Variants in CTNNA3 observed in about 807,000 individuals in gnomAD.
CTNNA3 encodes catenin alpha 3.
CTNNA3 carries 76 observed loss-of-function variants against 95.7 expected under a neutral mutation model. The observed-to-expected ratio is 0.79, with a 90% CI of 0.66 to 0.96. The LOEUF (loss-of-function observed/expected upper bound fraction) is 0.96. Ranked by LOEUF, CTNNA3 falls within the 40% of genes least tolerant of loss-of-function variation. The probability of loss-of-function intolerance (pLI) is 0.00; values close to 1 mark genes in which losing one functional copy is unlikely to be tolerated. For synonymous variants in CTNNA3, 431 were observed against 374.4 expected (o/e 1.15, Z -1.74); for missense variants, 1,191 against 1,089.8 (o/e 1.09, Z -1.31).
chr10:66,510,417 A>G (rs1470425875), intron 11 of CTNNA3, among the ~76,000 whole-genome samples: 4 of 151,820 alleles, frequency 2.6e-5, no homozygotes, highest in Non-Finnish European at 2.9e-5. Flanking sequence ...ATGTGCTAGG[A>G]CTTCTAGTAC....
chr10:67,706,510 T>G (rs921995728), intron 1 of CTNNA3, among the ~76,000 whole-genome samples: 4 of 152,080 alleles, frequency 2.6e-5, no homozygotes, highest in Non-Finnish European at 5.9e-5. Flanking sequence ...GCCAACTACT[T>G]CCTCTCCTCT....
chr10:67,352,859 C>T (rs1057374607), intron 5 of CTNNA3, among the ~76,000 whole-genome samples: 3 of 151,948 alleles, frequency 2.0e-5, no homozygotes, highest in Non-Finnish European at 2.9e-5. Context: ...CCATTCTATC[C>T]GTCACAGAAA....
intron 3 of CTNNA3, among the ~76,000 whole-genome samples, chr10:67,583,791 C>T (rs180863794): frequency 1.4e-4 from 21 of 152,234 alleles, no homozygotes; most frequent in Admixed American, 8.5e-4. Context: ...CTTCTCTTCT[C>T]GCTTCGTTTA....
intron 14 of CTNNA3, among the ~76,000 whole-genome samples, chr10:66,095,713 C>G (rs529765704): frequency 7.9e-5 from 12 of 152,122 alleles, no homozygotes; most frequent in African/African-American, 2.9e-4. Context: ...TTTTTTTACA[C>G]TAAGAACCAT....
At chr10:67,259,663 TG>T (rs1401106717) in intron 5 of CTNNA3, among the ~76,000 whole-genome samples, 3 of 152,218 alleles carry the variant, frequency 2.0e-5, no homozygotes, top group African/African-American at 7.2e-5. Flanking sequence ...TGACTATTTT[TG>T]CGCCACTTTA....
At chr10:67,632,562 C>A (rs1351287630) in intron 2 of CTNNA3, among the ~76,000 whole-genome samples, 2 of 152,124 alleles carry the variant, frequency 1.3e-5, no homozygotes, top group Non-Finnish European at 2.9e-5. Flanking sequence ...GGGCGATGGT[C>A]CACCTGGGAG....
chr10:66,097,953 T>A (rs1272247107), intron 14 of CTNNA3: 1 of 152,128 alleles, frequency 6.6e-6, no homozygotes, highest in African/African-American at 2.4e-5. Context: ...CTTTGGATCC[T>A]CACCCTGCAG....
intron 7 of CTNNA3, among the ~76,000 whole-genome samples, chr10:66,798,346 C>T (rs1370479293): frequency 1.3e-5 from 2 of 151,422 alleles, no homozygotes; most frequent in Non-Finnish European, 3.0e-5. Context: ...GATTTATTAA[C>T]TATTAATAGG....
chr10:66,039,705 C>A (rs1174380089), intron 15 of CTNNA3, among the ~76,000 whole-genome samples: 3 of 152,106 alleles, frequency 2.0e-5, no homozygotes. Flanking sequence ...GGACACCTTC[C>A]TTACACCATA....
chr10:67,157,422 C>T (rs1000669113), intron 7 of CTNNA3, among the ~76,000 whole-genome samples: 2 of 152,120 alleles, frequency 1.3e-5, no homozygotes, highest in Admixed American at 6.6e-5. Context: ...GAGAAGGCAG[C>T]CCCTCCTGTA....
At chr10:66,498,496 A>C (rs1840171988) in intron 11 of CTNNA3, among the ~76,000 whole-genome samples, 1 of 152,150 alleles carries the variant, frequency 6.6e-6, no homozygotes, top group Non-Finnish European at 1.5e-5. Context: ...GCAATAATTT[A>C]GGTTCATGTC....
intron 14 of CTNNA3, chr10:66,098,584 T>TA (rs1198373628): frequency 1.3e-5 from 2 of 152,216 alleles, no homozygotes; most frequent in Non-Finnish European, 2.9e-5. Flanking sequence ...TTTTAGGACT[T>TA]ACAAACATCT....
At chr10:66,847,997 G>T (rs1008240774) in intron 7 of CTNNA3, among the ~76,000 whole-genome samples, 1 of 152,142 alleles carries the variant, frequency 6.6e-6, no homozygotes, top group African/African-American at 2.4e-5. Context: ...AACACAAGCT[G>T]AGATTAGGGG....
chr10:67,017,147 T>C (rs7900575), intron 7 of CTNNA3, among the ~76,000 whole-genome samples: 75,604 of 152,042 alleles, frequency 0.5, 19,929 homozygotes, highest in Middle Eastern at 0.72. Context: ...AATATATTCA[T>C]AGTATGAAAA....
intron 11 of CTNNA3, among the ~76,000 whole-genome samples, chr10:66,435,934 C>G (rs1284137074): frequency 6.6e-6 from 1 of 150,848 alleles, no homozygotes; most frequent in Non-Finnish European, 1.5e-5. Context: ...ATTTATTTAC[C>G]CAATAGTCAT....
At chr10:66,312,271 C>T (rs920805418) in intron 12 of CTNNA3, among the ~76,000 whole-genome samples, 4 of 152,026 alleles carry the variant, frequency 2.6e-5, no homozygotes, top group Admixed American at 2.0e-4. Context: ...GCAAAGTTTC[C>T]GAATCCTAAA....
chr10:67,191,663 G>A (rs2132176032), intron 6 of CTNNA3, among the ~76,000 whole-genome samples: 1 of 151,914 alleles, frequency 6.6e-6, no homozygotes, highest in East Asian at 1.9e-4. Context: ...ACTGTTAAAT[G>A]TCTATATTAC....
intron 7 of CTNNA3, among the ~76,000 whole-genome samples, chr10:66,863,644 T>C (rs1415939729): frequency 6.6e-6 from 1 of 152,168 alleles, no homozygotes; most frequent in East Asian, 1.9e-4. Context: ...TGGCTTGAGC[T>C]GATTTGCAGG....
chr10:66,818,331 G>T (rs1192241156), intron 7 of CTNNA3, among the ~76,000 whole-genome samples: 1 of 151,998 alleles, frequency 6.6e-6, no homozygotes, highest in Non-Finnish European at 1.5e-5. Context: ...GAAAATAACT[G>T]AAGTTATCTT....
Sources: gnomAD v4.1 joint callset for allele counts (sites outside exome capture counted in the v4.1 genomes callset) on GRCh38, gnomAD v4.1.1 for gene constraint, MANE v1.5 for transcripts, NCBI Gene and HGNC (gene_info 2026-07-23, HGNC 2026-07-21) for gene names.